RERE: variants seen among roughly 807,000 people sequenced by gnomAD.
The protein encoded by RERE is arginine-glutamic acid dipeptide repeats.
Under a neutral mutation model 146.1 loss-of-function variants are expected in RERE, and 40 were observed. That is an observed-to-expected ratio of 0.27 (90% CI 0.21 to 0.36). The LOEUF (loss-of-function observed/expected upper bound fraction) is 0.36, where lower values mean the gene tolerates loss of function less well. Among genes scored for constraint, RERE ranks in the 10% least tolerant of loss-of-function variants. The pLI is 1.00. For synonymous variants in RERE, 1,003 were observed against 866.0 expected (o/e 1.16, Z -2.78); for missense variants, 1,933 against 2,138.7 (o/e 0.90, Z 1.90).
chr1:8,506,141 G>A (rs1231910032), intron 8 of RERE, among the ~76,000 whole-genome samples: 1 of 152,208 alleles, frequency 6.6e-6, no homozygotes, highest in Non-Finnish European at 1.5e-5. Flanking sequence ...GAAAAAATGG[G>A]TAGTAAAATA....
intron 8 of RERE, among the ~76,000 whole-genome samples, chr1:8,498,394 A>G (rs1398220657): frequency 6.6e-6 from 1 of 151,228 alleles, no homozygotes; most frequent in African/African-American, 2.4e-5. Context: ...ATTAAATTTT[A>G]AAAATTTATA....
chr1:8,762,627 C>A (rs1640776886), intron 1 of RERE, among the ~76,000 whole-genome samples: 1 of 152,126 alleles, frequency 6.6e-6, no homozygotes, highest in Non-Finnish European at 1.5e-5. Flanking sequence ...AGGCCAGGAA[C>A]ATTTCCTAGG....
At chr1:8,731,800 G>GT (rs1042735624) in intron 1 of RERE, among the ~76,000 whole-genome samples, 72 of 151,428 alleles carry the variant, frequency 4.8e-4, no homozygotes, top group Admixed American at 2.4e-3. Context: ...TTGTTTGTTT[G>GT]TTTGTTTTGT....
In RERE at chr1:8,729,127, C is replaced by A. The variant is rs142659272; in HGVS notation, c.-144-72686G>T. Among the ~76,000 whole-genome samples the A allele has an allele frequency of 4.0e-4, 61 of 151,350 alleles. 1 individual carries two copies. The highest frequency in any genetic ancestry group is 1.5e-3 in the African/African-American group (60 of 41,362). ...TGCGGTGAGCTGAGATCGTGCCACA[C>A]CATTGCACTCCAGCCTGGGCAACAA... On this transcript the variant is annotated intron_variant, in intron 1 of 22. Transcript: ENST00000400908.
chr1:8,505,811 G>A (rs532267501), intron 8 of RERE, among the ~76,000 whole-genome samples: 2 of 152,272 alleles, frequency 1.3e-5, no homozygotes, highest in South Asian at 2.1e-4. Context: ...GATTACAGGC[G>A]TGAGCCAAAA....
intron 4 of RERE, among the ~76,000 whole-genome samples, chr1:8,584,584 A>C (rs141309267): frequency 1.3e-5 from 2 of 152,246 alleles, no homozygotes; most frequent in African/African-American, 4.8e-5. Flanking sequence ...TCAGACCACA[A>C]ACAAAAATGA....
chr1:8,725,611 T>C (rs1343127926), intron 1 of RERE, among the ~76,000 whole-genome samples: 2 of 152,152 alleles, frequency 1.3e-5, no homozygotes, highest in African/African-American at 4.8e-5. Context: ...TAAATCTAAA[T>C]TTATAGGAGA....
chr1:8,448,127 A>T, intron 11 of RERE, among the ~76,000 whole-genome samples: 1 of 152,272 alleles, frequency 6.6e-6, no homozygotes, highest in African/African-American at 2.4e-5. Flanking sequence ...TGAGGTGGGG[A>T]GTTCCTGTCC....
intron 2 of RERE, among the ~76,000 whole-genome samples, chr1:8,638,270 T>C (rs1435634433): frequency 6.6e-6 from 1 of 152,206 alleles, no homozygotes; most frequent in Non-Finnish European, 1.5e-5. Flanking sequence ...AAACATTATT[T>C]TGAGATGTTT....
At chr1:8,559,289 A>AAC (rs1646046545) in intron 4 of RERE, among the ~76,000 whole-genome samples, 3 of 141,680 alleles carry the variant, frequency 2.1e-5, no homozygotes, top group African/African-American at 5.1e-5. Context: ...TCAAAAAAAA[A>AAC]AAAAAAAAAA....
chr1:8,457,936 A>G (rs1274209196), intron 11 of RERE, among the ~76,000 whole-genome samples: 2 of 152,164 alleles, frequency 1.3e-5, no homozygotes, highest in African/African-American at 4.8e-5. Context: ...GAAGTATGCC[A>G]GGAGAGAGGA....
At chr1:8,790,388 A>G (rs2124573759) in intron 1 of RERE, among the ~76,000 whole-genome samples, 1 of 152,330 alleles carries the variant, frequency 6.6e-6, no homozygotes, top group East Asian at 1.9e-4. Flanking sequence ...AATAAATAAT[A>G]AATCTAATCT....
intron 1 of RERE, among the ~76,000 whole-genome samples, chr1:8,708,910 T>G (rs959885965): frequency 1.6e-4 from 21 of 129,630 alleles, no homozygotes; most frequent in African/African-American, 4.5e-4. Flanking sequence ...CTGGAGTTTT[T>G]TTTTTTTTTT....
intron 12 of RERE, among the ~76,000 whole-genome samples, chr1:8,371,137 A>T (rs1642019502): frequency 6.6e-6 from 1 of 152,176 alleles, no homozygotes; most frequent in Non-Finnish European, 1.5e-5. Flanking sequence ...TCTCCAACTG[A>T]CAGTGTTCCC....
intron 4 of RERE, among the ~76,000 whole-genome samples, chr1:8,579,308 C>T (rs1646335008): frequency 6.6e-6 from 1 of 152,184 alleles, no homozygotes; most frequent in Non-Finnish European, 1.5e-5. Flanking sequence ...TAATAGCTGA[C>T]TCTTGGTAAT....
chr1:8,682,766 G>A (rs943958151), intron 1 of RERE, among the ~76,000 whole-genome samples: 1 of 152,068 alleles, frequency 6.6e-6, no homozygotes, highest in African/African-American at 2.4e-5. Context: ...AATTAGGCAA[G>A]TGATGACTCA....
At chr1:8,662,263 C>T (rs1239814667) in intron 1 of RERE, among the ~76,000 whole-genome samples, 2 of 152,328 alleles carry the variant, frequency 1.3e-5, no homozygotes, top group Admixed American at 6.5e-5. Context: ...CAAACACCAT[C>T]TTACCTCTTC....
intron 12 of RERE, among the ~76,000 whole-genome samples, chr1:8,397,357 C>G (rs1042450266): frequency 6.6e-6 from 1 of 152,184 alleles, no homozygotes; most frequent in South Asian, 2.1e-4. Context: ...ACTTTCACTA[C>G]GACTCTGAGG....
At chr1:8,490,401 A>G (rs1023007652) in intron 10 of RERE, among the ~76,000 whole-genome samples, 2 of 149,980 alleles carry the variant, frequency 1.3e-5, no homozygotes, top group Non-Finnish European at 2.9e-5. Flanking sequence ...TTTCTGAGAG[A>G]GCTTCCTACG....
Sources: allele counts gnomAD v4.1 joint callset (sites outside exome capture counted in the v4.1 genomes callset), GRCh38; gene constraint gnomAD v4.1.1; transcripts MANE v1.5; gene names NCBI Gene and HGNC (gene_info 2026-07-23, HGNC 2026-07-21).